The following FSTL4 variants were observed in gnomAD, a reference collection of about 807,000 sequenced individuals.
The protein encoded by FSTL4 is follistatin-related protein 4.
In FSTL4, 28 loss-of-function variants were observed where a neutral mutation model predicts 78.2. The observed-to-expected ratio is 0.36, with a 90% CI of 0.27 to 0.49. The LOEUF is 0.49. FSTL4 is among the 20% of genes least tolerant of loss of function. The pLI, the probability that FSTL4 is intolerant of heterozygous loss-of-function variation, is 0.98. For synonymous variants in FSTL4, 422 were observed against 440.5 expected, an observed-to-expected ratio of 0.96 and a Z score of 0.53; for missense variants, 922 against 1,084.9, an observed-to-expected ratio of 0.85 and a Z score of 2.11.
At chr5:133,829,355 C>T in the FSTL4 span, among the ~76,000 whole-genome samples, 1 of 151,986 alleles carries the variant, frequency 6.6e-6, no homozygotes, top group Non-Finnish European at 1.5e-5. Flanking sequence ...CACTGCACTC[C>T]AGCCTCGGCA....
At position 133,474,851 on chromosome 5, in the gene FSTL4, G is replaced by A. The variant is rs143189660; in HGVS notation, c.161-73865C>T. ...TTTGACTGATAAGTATCTCATGAAC[G>A]AGGCCCGTAATTTTAATTGATGGCA... On this transcript the variant is annotated intron_variant, in intron 3 of 15. Coordinates refer to ENST00000265342, the MANE Select transcript of FSTL4 (RefSeq NM_015082.2). 8.2e-4 allele frequency among the ~76,000 whole-genome samples: 125 copies of A among 152,258 alleles called. No individual in the cohort carries two copies. In the Middle Eastern group the frequency reaches 0.017, roughly 21 times the overall value.
chr5:133,316,600 T>G lies in FSTL4; in HGVS notation c.462A>C (p.Ala154=). The G allele has an allele frequency of 6.2e-7, 1 of 1,613,668 alleles. No homozygotes were observed. The highest frequency in any genetic ancestry group is 8.5e-7 in the Non-Finnish European group (1 of 1,179,754). ...GYARLKNVLL[A]LQTRLQPLQE... is the part of the protein sequence containing the mutation. ...GGAGTGGCTGCAGACGGGTCTGGAG[T>G]GCCAGAAGGACATTCTTCAAGCGGG... Residue 154 remains alanine (A), a synonymous_variant, in exon 5 of 16, where the codon GCA becomes GCC. Coordinates refer to ENST00000265342, the MANE Select transcript of FSTL4 (RefSeq NM_015082.2).
chr5:133,333,173 T>C (rs1754387028), intron 4 of FSTL4, among the ~76,000 whole-genome samples: 1 of 152,190 alleles, frequency 6.6e-6, no homozygotes, highest in Non-Finnish European at 1.5e-5. Context: ...TGGAGGCTCC[T>C]ATGCAGCTGG....
chr5:133,378,468 A>C (rs1396239943), intron 4 of FSTL4, among the ~76,000 whole-genome samples: 1 of 152,204 alleles, frequency 6.6e-6, no homozygotes, highest in Admixed American at 6.5e-5. Context: ...GCAATGGTAA[A>C]TAAGAAGGTT....
chr5:133,226,016 T>C, intron 8 of FSTL4, 197 bp from the exon 9 acceptor site: 1 of 420,540 alleles, frequency 2.4e-6, no homozygotes, highest in Non-Finnish European at 4.2e-6. Flanking sequence ...TTGCAGATAA[T>C]AAACATGTCA....
intron 3 of FSTL4, among the ~76,000 whole-genome samples, chr5:133,514,184 T>TG (rs1758803091): frequency 2.9e-5 from 3 of 102,574 alleles, no homozygotes; most frequent in South Asian, 5.9e-4. Flanking sequence ...GTCTCAATGA[T>TG]AATAATAATA....
At chr5:133,381,440 C>CA (rs1300003693) in intron 4 of FSTL4, among the ~76,000 whole-genome samples, 1 of 152,104 alleles carries the variant, frequency 6.6e-6, no homozygotes, top group Non-Finnish European at 1.5e-5. Context: ...AGTTCAAAAA[C>CA]AAGAGAAAGT....
At chr5:133,279,718 C>T (rs891897804) in intron 6 of FSTL4, among the ~76,000 whole-genome samples, 4 of 152,196 alleles carry the variant, frequency 2.6e-5, no homozygotes, top group African/African-American at 9.7e-5. Flanking sequence ...TCCTTGGGGC[C>T]TATGGTGGGT....
intron 3 of FSTL4, among the ~76,000 whole-genome samples, chr5:133,481,589 C>G (rs914516733): frequency 6.7e-6 from 1 of 149,066 alleles, no homozygotes; most frequent in African/African-American, 2.5e-5. Context: ...GGGAACTCAT[C>G]ACAGGTAGTC....
intron 3 of FSTL4, among the ~76,000 whole-genome samples, chr5:133,482,069 G>A (rs1161482513): frequency 1.3e-5 from 2 of 152,242 alleles, no homozygotes; most frequent in African/African-American, 2.4e-5. Flanking sequence ...CAGATGCAGT[G>A]CCAGTTTCAC....
the FSTL4 span, among the ~76,000 whole-genome samples, chr5:133,712,978 G>A: frequency 6.6e-6 from 1 of 152,134 alleles, no homozygotes; most frequent in African/African-American, 2.4e-5. Flanking sequence ...CCCACTAGAA[G>A]GCCAGAATTC....
intron 6 of FSTL4, 157 bp downstream of exon 6, chr5:133,312,497 T>C: frequency 1.5e-6 from 1 of 661,122 alleles, no homozygotes; most frequent in Non-Finnish European, 2.7e-6. Context: ...AGTCTTTTCT[T>C]AAAGCTCAGG....
At chr5:133,483,252 ATC>A (rs1205628071) in intron 3 of FSTL4, among the ~76,000 whole-genome samples, 2 of 152,144 alleles carry the variant, frequency 1.3e-5, no homozygotes, top group Non-Finnish European at 2.9e-5. Context: ...AGTCCATTAA[ATC>A]TCTTTTTCTT....
chr5:133,358,596 T>TC (rs1561685251), intron 4 of FSTL4, among the ~76,000 whole-genome samples: 2 of 146,802 alleles, frequency 1.4e-5, no homozygotes, highest in African/African-American at 2.5e-5. Context: ...TATTTCTTTT[T>TC]TTTTTTTTTT....
chr5:133,731,763 G>A, the FSTL4 span, among the ~76,000 whole-genome samples: 403 of 152,312 alleles, frequency 2.6e-3, 6 homozygotes, highest in African/African-American at 9.1e-3. Flanking sequence ...CCCCCAAGGT[G>A]CAAGGAGCTG....
the FSTL4 span, among the ~76,000 whole-genome samples, chr5:133,626,681 T>A: frequency 4.6e-5 from 7 of 152,096 alleles, 1 homozygote; most frequent in Non-Finnish European, 1.0e-4. Flanking sequence ...TGTTTCCAAT[T>A]GTTTGGAAAT....
intron 3 of FSTL4, among the ~76,000 whole-genome samples, chr5:133,480,009 C>T (rs547333433): frequency 3.9e-5 from 6 of 152,208 alleles, no homozygotes; most frequent in South Asian, 4.2e-4. Flanking sequence ...TTAGAAAAGA[C>T]GGGGACACTC....
chr5:133,484,463 C>T (rs1056861758), intron 3 of FSTL4, among the ~76,000 whole-genome samples: 15 of 152,096 alleles, frequency 9.9e-5, no homozygotes, highest in African/African-American at 3.4e-4. Context: ...ATCTACTAGC[C>T]CACATGAGAG....
intron 2 of FSTL4, among the ~76,000 whole-genome samples, chr5:133,573,639 A>G (rs1760209901): frequency 1.3e-5 from 2 of 152,236 alleles, no homozygotes; most frequent in Admixed American, 1.3e-4. Flanking sequence ...AAAATTTAAA[A>G]AATCTCTGTC....
Sources: allele counts gnomAD v4.1 joint callset (sites outside exome capture counted in the v4.1 genomes callset), GRCh38; gene constraint gnomAD v4.1.1; transcripts MANE v1.5; gene names NCBI Gene and HGNC (gene_info 2026-07-23, HGNC 2026-07-21).